SH3RF3: variants seen among roughly 807,000 people sequenced by gnomAD.
The protein encoded by SH3RF3 is E3 ubiquitin-protein ligase SH3RF3.
Under a neutral mutation model 66.3 loss-of-function variants are expected in SH3RF3, and 29 were observed. The observed-to-expected ratio is 0.44, with a 90% CI of 0.33 to 0.60. SH3RF3 has a LOEUF of 0.60. Among genes scored for constraint, SH3RF3 ranks in the 20% least tolerant of loss-of-function variants. The pLI is 0.04. For missense variants in SH3RF3, 1,194 were observed against 1,190.9 expected (o/e 1.00, Z -0.04); for synonymous variants, 583 against 532.0 (o/e 1.10, Z -1.32).
intron 1 of SH3RF3, among the ~76,000 whole-genome samples, chr2:109,232,447 A>G (rs755739029): frequency 6.6e-6 from 1 of 152,162 alleles, no homozygotes; most frequent in Admixed American, 6.5e-5. Context: ...CTGCCTATCT[A>G]TCTGTAAATA....
At chr2:109,184,096 G>A (rs1195981217) in intron 1 of SH3RF3, among the ~76,000 whole-genome samples, 4 of 152,220 alleles carry the variant, frequency 2.6e-5, no homozygotes, top group Non-Finnish European at 5.9e-5. Context: ...AGCCCATGTG[G>A]TGGTTCCATG....
intron 8 of SH3RF3, among the ~76,000 whole-genome samples, chr2:109,465,455 G>C (rs768578256): frequency 6.6e-6 from 1 of 152,202 alleles, no homozygotes; most frequent in Non-Finnish European, 1.5e-5. Context: ...AGCAATGAAT[G>C]AGAGTTCTCA....
intron 1 of SH3RF3, among the ~76,000 whole-genome samples, chr2:109,338,211 T>G (rs902979224): frequency 1.3e-5 from 2 of 152,162 alleles, no homozygotes; most frequent in Non-Finnish European, 2.9e-5. Context: ...CTCATCTGTA[T>G]TAACTCATTC....
At chr2:109,313,985 G>A (rs1681803006) in intron 1 of SH3RF3, among the ~76,000 whole-genome samples, 1 of 152,188 alleles carries the variant, frequency 6.6e-6, no homozygotes, top group East Asian at 1.9e-4. Flanking sequence ...TTTGGAACTG[G>A]GAGGAAAGTG....
intron 8 of SH3RF3, among the ~76,000 whole-genome samples, chr2:109,452,048 A>T (rs1677888194): frequency 6.6e-6 from 1 of 152,234 alleles, no homozygotes; most frequent in South Asian, 2.1e-4. Flanking sequence ...AAAGACAAGC[A>T]CTGGTCTACA....
intron 3 of SH3RF3, among the ~76,000 whole-genome samples, chr2:109,383,103 G>C (rs1675739003): frequency 6.6e-6 from 1 of 152,206 alleles, no homozygotes; most frequent in African/African-American, 2.4e-5. Context: ...CTGGCTCCGA[G>C]GCACTTGTCC....
At chr2:109,156,283 A>G (rs139972953) in intron 1 of SH3RF3, among the ~76,000 whole-genome samples, 1 of 152,170 alleles carries the variant, frequency 6.6e-6, no homozygotes, top group Non-Finnish European at 1.5e-5. Context: ...TCGAGTTGCT[A>G]TCTCATCTTC....
intron 1 of SH3RF3, among the ~76,000 whole-genome samples, chr2:109,253,110 C>T (rs1200732015): frequency 1.3e-5 from 2 of 152,118 alleles, no homozygotes; most frequent in Non-Finnish European, 2.9e-5. Context: ...TCACTGCAAC[C>T]TCCACCTCAC....
chr2:109,306,635 A>G (rs1275514751), intron 1 of SH3RF3, among the ~76,000 whole-genome samples: 1 of 152,200 alleles, frequency 6.6e-6, no homozygotes, highest in Non-Finnish European at 1.5e-5. Context: ...TATCGGAATG[A>G]TTTCATGCTG....
At chr2:109,464,722 A>G (rs148461422) in intron 8 of SH3RF3, among the ~76,000 whole-genome samples, 1 of 152,050 alleles carries the variant, frequency 6.6e-6, no homozygotes, top group Admixed American at 6.5e-5. Context: ...GTCCTCATAT[A>G]CTCCCTGCTC....
chr2:109,421,986 C>T (rs892661401), intron 5 of SH3RF3, among the ~76,000 whole-genome samples: 2 of 152,198 alleles, frequency 1.3e-5, no homozygotes, highest in Non-Finnish European at 2.9e-5. Context: ...TCAGACTGAC[C>T]TCATCAGTTT....
At chr2:109,356,263 T>G (rs578194846) in intron 2 of SH3RF3, among the ~76,000 whole-genome samples, 67 of 152,212 alleles carry the variant, frequency 4.4e-4, no homozygotes, top group African/African-American at 1.5e-3. Flanking sequence ...ACATTCTAGA[T>G]CCCACCGCCC....
intron 1 of SH3RF3, among the ~76,000 whole-genome samples, chr2:109,292,824 C>A (rs1187672600): frequency 1.3e-5 from 2 of 152,142 alleles, no homozygotes; most frequent in Non-Finnish European, 2.9e-5. Flanking sequence ...CCTCTGCCTC[C>A]CAGGTTAAAG....
chr2:109,415,719 C>A (rs972345046), intron 4 of SH3RF3, among the ~76,000 whole-genome samples: 1 of 152,276 alleles, frequency 6.6e-6, no homozygotes, highest in South Asian at 2.1e-4. Flanking sequence ...GATACTGCCC[C>A]CTTTGCCTCC....
intron 1 of SH3RF3, among the ~76,000 whole-genome samples, chr2:109,219,146 C>G (rs988783030): frequency 1.3e-5 from 2 of 152,192 alleles, no homozygotes; most frequent in Non-Finnish European, 2.9e-5. Flanking sequence ...TCGCTCACAC[C>G]CCATTCACAA....
chr2:109,157,042 A>G (rs779358322), intron 1 of SH3RF3, among the ~76,000 whole-genome samples: 2 of 152,232 alleles, frequency 1.3e-5, no homozygotes, highest in Non-Finnish European at 2.9e-5. Flanking sequence ...TAGGATTTGC[A>G]TCATCTGACT....
In SH3RF3 at chr2:109,297,081, G is replaced by A. The variant is rs142093653; in HGVS notation, c.574-50593G>A. Among the ~76,000 whole-genome samples, 9 of 152,160 alleles carry A rather than the reference G, an allele frequency of 5.9e-5. No homozygotes were observed. In the South Asian group the frequency reaches 8.3e-4, roughly 14 times the overall value. On this transcript the variant is annotated intron_variant, in intron 1 of 9. Transcript: ENST00000309415. ...CTAGACTGCAGCTGTTGGTCCAGGT[G>A]GGGGGTGACCGGGATGGGAAGCCCA...
At chr2:109,332,405 C>T (rs1418293063) in intron 1 of SH3RF3, among the ~76,000 whole-genome samples, 1 of 152,140 alleles carries the variant, frequency 6.6e-6, no homozygotes, top group Admixed American at 6.5e-5. Flanking sequence ...CCCGCGACTC[C>T]CCCAGCACCC....
chr2:109,130,041 C>G lies in SH3RF3; in HGVS notation c.501C>G (p.Leu167=). ...AGSTPGSPVF[L]SAAAGSTAGS... Reference sequence around the variant, plus strand: ...GCACCCCGGGTTCCCCGGTTTTCCTCTCCGCGGCCGCGGGCAGCACCGCCG... The same window carrying G: ...GCACCCCGGGTTCCCCGGTTTTCCTGTCCGCGGCCGCGGGCAGCACCGCCG... Residue 167 remains leucine, a synonymous_variant, in exon 1 of 10, where the codon CTC becomes CTG. Transcript: ENST00000309415. 7.4e-7 allele frequency: 1 copy of G among 1,357,066 alleles called. No homozygotes were observed. Among genetic ancestry groups the G allele is most frequent in the Non-Finnish European group, 9.5e-7 (1 of 1,057,536 alleles). The allele number at this position is 1,357,066 out of a possible 1,614,324, so 84.1% of individuals were successfully genotyped here. A position where few individuals can be genotyped will look rare whatever the true frequency, so the allele number is the denominator to read the frequency against.
Sources: allele counts gnomAD v4.1 joint callset (sites outside exome capture counted in the v4.1 genomes callset), GRCh38; gene constraint gnomAD v4.1.1; transcripts MANE v1.5; gene names NCBI Gene and HGNC (gene_info 2026-07-23, HGNC 2026-07-21).